PDE4D: variants seen among roughly 807,000 people sequenced by gnomAD.
PDE4D encodes phosphodiesterase 4D.
In PDE4D, 24 loss-of-function variants were observed where a neutral mutation model predicts 87.4. The observed-to-expected ratio is 0.27, with a 90% CI of 0.20 to 0.39. The LOEUF is 0.39. PDE4D is among the 10% of genes least tolerant of loss of function. The pLI is 1.00. For missense variants in PDE4D, 714 were observed against 1,041.0 expected (o/e 0.69, Z 4.32); for synonymous variants, 384 against 383.2 (o/e 1.00, Z -0.02).
intron 1 of PDE4D, among the ~76,000 whole-genome samples, chr5:59,414,664 G>A (rs1470466199): frequency 1.3e-5 from 2 of 152,234 alleles, no homozygotes; most frequent in African/African-American, 4.8e-5. Context: ...TACAGAAAAT[G>A]AGAAACTGTC....
intron 1 of PDE4D, among the ~76,000 whole-genome samples, chr5:59,819,903 C>A (rs915710236): frequency 2.0e-5 from 3 of 152,178 alleles, no homozygotes; most frequent in African/African-American, 7.2e-5. Context: ...CTAGAGACAA[C>A]AGAGGCGTTT....
intron 1 of PDE4D, among the ~76,000 whole-genome samples, chr5:60,368,824 C>G (rs1760774780): frequency 6.6e-6 from 1 of 152,120 alleles, no homozygotes; most frequent in Non-Finnish European, 1.5e-5. Flanking sequence ...GTGCCTGCTT[C>G]CCCTTGCCTT....
chr5:60,364,867 G>A (rs1353677639), intron 1 of PDE4D, among the ~76,000 whole-genome samples: 1 of 152,306 alleles, frequency 6.6e-6, no homozygotes, highest in Non-Finnish European at 1.5e-5. Flanking sequence ...AGAAATGTAA[G>A]TGTCCTTCCC....
At chr5:59,719,895 C>G (rs951733159) in intron 1 of PDE4D, among the ~76,000 whole-genome samples, 5 of 152,138 alleles carry the variant, frequency 3.3e-5, no homozygotes, top group African/African-American at 1.2e-4. Flanking sequence ...CCACTTTATG[C>G]AAAAAGCCAC....
chr5:59,924,686 C>T (rs985679956), intron 3 of PDE4D, among the ~76,000 whole-genome samples: 3 of 151,744 alleles, frequency 2.0e-5, no homozygotes, highest in African/African-American at 7.3e-5. Context: ...TCATCAACAA[C>T]AGACCTGTCC....
intron 1 of PDE4D, among the ~76,000 whole-genome samples, chr5:59,631,373 A>G (rs1037204795): frequency 6.6e-6 from 1 of 152,170 alleles, no homozygotes; most frequent in African/African-American, 2.4e-5. Context: ...TATTCTTAAA[A>G]CTATATTACT....
chr5:59,344,302 G>A (rs991379244), intron 1 of PDE4D, among the ~76,000 whole-genome samples: 20 of 152,308 alleles, frequency 1.3e-4, no homozygotes, highest in African/African-American at 4.8e-4. Context: ...GGTAAAGGGT[G>A]AGCGAAAAAT....
At chr5:60,198,532 C>T (rs994014451) in intron 1 of PDE4D, among the ~76,000 whole-genome samples, 1 of 151,668 alleles carries the variant, frequency 6.6e-6, no homozygotes, top group African/African-American at 2.4e-5. Flanking sequence ...AATGTAGATA[C>T]TGAAACTCAC....
In PDE4D at chr5:59,900,263, T is replaced by TACACAC. The variant is rs765524262; in HGVS notation, c.272+88219_272+88224dup. ...TCAAAAAAAAATATATATATATATA[T>TACACAC]ACACACACACACACACACACACACA... On this transcript the variant is annotated intron_variant, in intron 3 of 16. Coordinates refer to the PDE4D transcript ENST00000502484. Among the ~76,000 whole-genome samples the TACACAC allele has an allele frequency of 7.2e-4, 98 of 135,844 alleles. 1 individual carries two copies. The highest frequency in any genetic ancestry group is 1.6e-3 in the Admixed American group (22 of 13,826). 89.1% of individuals were successfully genotyped at this position (135,844 alleles called of 152,430 possible). A position where few individuals can be genotyped will look rare whatever the true frequency, so the allele number is the denominator to read the frequency against.
intron 3 of PDE4D, among the ~76,000 whole-genome samples, chr5:59,941,872 T>C (rs1240844794): frequency 6.6e-6 from 1 of 152,190 alleles, no homozygotes; most frequent in Non-Finnish European, 1.5e-5. Flanking sequence ...CTCCATTCAA[T>C]GATGGGGGAT....
At chr5:60,497,850 A>G (rs1034870661) in intron 1 of PDE4D, among the ~76,000 whole-genome samples, 1 of 152,182 alleles carries the variant, frequency 6.6e-6, no homozygotes, top group Non-Finnish European at 1.5e-5. Flanking sequence ...ATGTGCTGGT[A>G]TATTACAGAC....
intron 1 of PDE4D, among the ~76,000 whole-genome samples, chr5:59,401,948 G>T (rs1790720667): frequency 6.6e-6 from 1 of 152,216 alleles, no homozygotes; most frequent in Non-Finnish European, 1.5e-5. Flanking sequence ...CTTCTAAACT[G>T]AGGTGCCCTC....
chr5:60,107,111 C>A (rs796504642), intron 2 of PDE4D, among the ~76,000 whole-genome samples: 31 of 151,766 alleles, frequency 2.0e-4, no homozygotes, highest in African/African-American at 7.3e-4. Flanking sequence ...AGACCGCTAG[C>A]AAGACTAATA....
At chr5:59,866,849 T>C (rs1747109146) in intron 1 of PDE4D, among the ~76,000 whole-genome samples, 1 of 152,134 alleles carries the variant, frequency 6.6e-6, no homozygotes, top group African/African-American at 2.4e-5. Flanking sequence ...ACAGTGTCCA[T>C]GGGGATTACA....
chr5:59,822,131 G>T (rs1463553138), intron 1 of PDE4D, among the ~76,000 whole-genome samples: 1 of 152,016 alleles, frequency 6.6e-6, no homozygotes, highest in Admixed American at 6.6e-5. Flanking sequence ...CGAAAAATTG[G>T]TCTATTTATA....
intron 1 of PDE4D, among the ~76,000 whole-genome samples, chr5:59,859,393 C>A (rs760234043): frequency 1.3e-5 from 2 of 152,104 alleles, no homozygotes; most frequent in Non-Finnish European, 2.9e-5. Flanking sequence ...TGATTTCTAC[C>A]ATTTCCTTCT....
intron 2 of PDE4D, among the ~76,000 whole-genome samples, chr5:60,181,462 C>T (rs1784369565): frequency 6.6e-6 from 1 of 152,116 alleles, no homozygotes; most frequent in Non-Finnish European, 1.5e-5. Context: ...CCTATGTCTT[C>T]CAAACACCAA....
intron 1 of PDE4D, among the ~76,000 whole-genome samples, chr5:59,768,962 T>C (rs1763167741): frequency 1.3e-5 from 2 of 152,184 alleles, no homozygotes; most frequent in South Asian, 4.1e-4. Flanking sequence ...TGCTTATTCC[T>C]GAATCCAAAG....
At chr5:59,077,588 C>A (rs1227380605) in intron 5 of PDE4D, among the ~76,000 whole-genome samples, 1 of 151,704 alleles carries the variant, frequency 6.6e-6, no homozygotes, top group African/African-American at 2.4e-5. Flanking sequence ...CTGCATCAGC[C>A]CCCTGAGTAG....
Sources: allele counts gnomAD v4.1 joint callset (sites outside exome capture counted in the v4.1 genomes callset), GRCh38; gene constraint gnomAD v4.1.1; transcripts MANE v1.5; gene names NCBI Gene and HGNC (gene_info 2026-07-23, HGNC 2026-07-21).